The following TANGO2 variants were observed in gnomAD, a reference collection of about 807,000 sequenced individuals.
TANGO2 encodes transport and Golgi organization protein 2 homolog.
A neutral mutation model predicts 39.1 loss-of-function variants in TANGO2; 26 were observed. The observed-to-expected ratio is 0.67, with a 90% CI of 0.49 to 0.92. The LOEUF is 0.92. Among genes scored for constraint, TANGO2 ranks in the 40% least tolerant of loss-of-function variants. The pLI, the probability that TANGO2 is intolerant of heterozygous loss-of-function variation, is 0.00. For synonymous variants in TANGO2, 131 were observed against 144.5 expected, an observed-to-expected ratio of 0.91 and a Z score of 0.67; for missense variants, 326 against 360.1, an observed-to-expected ratio of 0.91 and a Z score of 0.77.
chr22:20,051,912 C>T (rs1311229596), intron 3 of TANGO2, among the ~76,000 whole-genome samples: 6 of 151,778 alleles, frequency 4.0e-5, no homozygotes, highest in African/African-American at 7.3e-5. Context: ...TTTTTTGCCC[C>T]AATCTTTGGG....
rs117607297 is a variant in TANGO2, at chr22:20,038,330, G to A, written c.56+1476G>A. ...CGCCTGGTCTGTGGTGCTTAGTTAC[G>A]GCAGCCCCAGGAAACTAGCACGCTG... is the stretch of plus-strand genomic sequence containing the variant. On this transcript the variant is annotated intron_variant, in intron 2 of 8. Transcript: ENST00000327374. Among the ~76,000 whole-genome samples, 736 of 152,242 alleles carry A rather than the reference G, an allele frequency of 4.8e-3. 7 individuals are homozygous for A. The highest frequency in any genetic ancestry group is 0.04 in the East Asian group (207 of 5,176).
At position 20,043,400 on chromosome 22, in the gene TANGO2, C is replaced by T; in HGVS notation, c.102C>T (p.Ser34=). Residue 34 remains serine, a synonymous_variant, in exon 3 of 9, where the codon TCC becomes TCT. Coordinates refer to ENST00000327374, the MANE Select transcript of TANGO2 (RefSeq NM_152906.7). The part of the protein sequence containing the change: ...ANRDEFYSRP[S]KLADFWGNNN... ...GGGATGAATTCTACAGCCGACCCTC[C>T]AAGTTAGCTGACTTCTGGGGGAACA... 1 of 1,613,764 alleles carries T rather than the reference C, an allele frequency of 6.2e-7. No homozygotes were observed. Among genetic ancestry groups the T allele is most frequent in the East Asian group, 2.2e-5 (1 of 44,868 alleles).
intron 2 of TANGO2, among the ~76,000 whole-genome samples, chr22:20,043,090 C>T (rs947560702): frequency 1.3e-5 from 2 of 152,138 alleles, no homozygotes; most frequent in African/African-American, 2.4e-5. Context: ...CTGGCAGACC[C>T]GTCTCCCGCC....
At position 20,064,782 on chromosome 22, in the gene TANGO2, C is replaced by T. The variant is rs183947516; in HGVS notation, c.*120C>T. ...TGCCCGTGGCTTGGCCAGCATCCCC[C>T]GGATCAGGGCCCTGTGGTTTGCGTG... On this transcript the variant is annotated 3_prime_UTR_variant, in exon 9 of 9. Coordinates refer to ENST00000327374, the MANE Select transcript of TANGO2 (RefSeq NM_152906.7). The T allele has an allele frequency of 2.1e-5, 27 of 1,281,244 alleles. No homozygotes were observed. In the East Asian group the frequency reaches 2.2e-4, roughly 11 times the overall value. 79.4% of individuals were successfully genotyped at this position (1,281,244 alleles called of 1,614,324 possible).
At chr22:20,052,391 C>T in intron 3 of TANGO2, 74 bp from the exon 4 acceptor site, 1 of 1,541,582 alleles carries the variant, frequency 6.5e-7, no homozygotes, top group South Asian at 1.2e-5. Flanking sequence ...GAGTATGCGT[C>T]TCCCAGGGCT....
intron 7 of TANGO2, 175 bp from the exon 8 acceptor site, chr22:20,063,163 A>G (rs190753830): frequency 9.4e-5 from 54 of 573,000 alleles, no homozygotes; most frequent in African/African-American, 9.3e-4. Context: ...CCTCAAAAAA[A>G]GAAAATAAGA....
intron 2 of TANGO2, among the ~76,000 whole-genome samples, chr22:20,038,749 T>G (rs1034457233): frequency 2.0e-5 from 3 of 152,056 alleles, no homozygotes; most frequent in Admixed American, 2.0e-4. Context: ...GCTCTGCCTG[T>G]GGGGTGTCCA....
chr22:20,035,607 G>A (rs1037436006), intron 1 of TANGO2, among the ~76,000 whole-genome samples: 12 of 152,234 alleles, frequency 7.9e-5, no homozygotes, highest in African/African-American at 1.4e-4. Flanking sequence ...GTCACCCAGC[G>A]TGTCCCCGGC....
chr22:20,048,885 T>C (rs1229059978), intron 3 of TANGO2, among the ~76,000 whole-genome samples: 1 of 152,200 alleles, frequency 6.6e-6, no homozygotes, highest in African/African-American at 2.4e-5. Flanking sequence ...GACCTCTTGA[T>C]CTGCCTGCCT....
At chr22:20,032,369 T>G (rs963783685) in intron 1 of TANGO2, among the ~76,000 whole-genome samples, 6 of 152,148 alleles carry the variant, frequency 3.9e-5, no homozygotes, top group Non-Finnish European at 8.8e-5. Flanking sequence ...GCAGGCGGGG[T>G]CCTGTGCAGG....
At chr22:20,053,960 T>C (rs2046887755) in intron 5 of TANGO2, 1 of 349,538 alleles carries the variant, frequency 2.9e-6, no homozygotes, top group African/African-American at 2.2e-5. Context: ...GCGGAGGTTT[T>C]GGTGTTTTGC....
intron 5 of TANGO2, chr22:20,055,544 A>G: frequency 3.4e-6 from 1 of 296,690 alleles, no homozygotes; most frequent in Non-Finnish European, 6.5e-6. Context: ...CCACCTGTCC[A>G]GAAACCCTCA....
At chr22:20,048,604 G>A (rs527340424) in intron 3 of TANGO2, among the ~76,000 whole-genome samples, 3 of 151,800 alleles carry the variant, frequency 2.0e-5, no homozygotes, top group African/African-American at 7.3e-5. Flanking sequence ...TGAGTCCTTT[G>A]TGCCTACTCA....
intron 2 of TANGO2, chr22:20,037,200 C>A: frequency 7.6e-7 from 1 of 1,317,984 alleles, no homozygotes; most frequent in Non-Finnish European, 1.0e-6. Flanking sequence ...TGAGAGCCAG[C>A]TTGGGCTGGC....
At chr22:20,060,634 A>G (rs1376426911) in intron 6 of TANGO2, among the ~76,000 whole-genome samples, 1 of 152,184 alleles carries the variant, frequency 6.6e-6, no homozygotes, top group African/African-American at 2.4e-5. Context: ...ATGCAGTTCA[A>G]TGGTCTTCCA....
At chr22:20,030,507 C>A (rs183089783) in intron 1 of TANGO2, among the ~76,000 whole-genome samples, 2 of 152,100 alleles carry the variant, frequency 1.3e-5, no homozygotes, top group East Asian at 3.9e-4. Context: ...CCACCACGCC[C>A]GGCTAATTTT....
intron 3 of TANGO2, among the ~76,000 whole-genome samples, chr22:20,049,762 T>C (rs1036250573): frequency 6.6e-5 from 10 of 152,066 alleles, no homozygotes; most frequent in South Asian, 4.1e-4. Flanking sequence ...TGCATAGATA[T>C]TTCAGCCAGT....
intron 5 of TANGO2, 87 bp from the exon 6 acceptor site, chr22:20,055,856 C>T (rs2047229451): frequency 8.0e-7 from 1 of 1,242,302 alleles, no homozygotes; most frequent in African/African-American, 1.5e-5. Context: ...TCGCTAGCCT[C>T]CAGAAACAGG....
At chr22:20,059,164 G>A (rs399162) in intron 6 of TANGO2, among the ~76,000 whole-genome samples, 95,446 of 152,040 alleles carry the variant, frequency 0.63, 30,562 homozygotes, top group East Asian at 0.86. Context: ...GATCTCTACT[G>A]TTGTGAGGGA....
Sources: allele counts gnomAD v4.1 joint callset (sites outside exome capture counted in the v4.1 genomes callset), GRCh38; gene constraint gnomAD v4.1.1; transcripts MANE v1.5; gene names NCBI Gene and HGNC (gene_info 2026-07-23, HGNC 2026-07-21).